Variants in HECTD4 observed in about 807,000 individuals in gnomAD.
HECTD4 encodes the protein probable E3 ubiquitin-protein ligase HECTD4.
A neutral mutation model predicts 471.5 loss-of-function variants in HECTD4; 114 were observed. The observed-to-expected ratio is 0.24, with a 90% confidence interval of 0.21 to 0.28. HECTD4 has a LOEUF of 0.28. Ranked by LOEUF, HECTD4 falls within the 10% of genes least tolerant of loss-of-function variation. HECTD4 has a pLI of 1.00. For synonymous variants in HECTD4, 2,012 were observed against 2,256.0 expected (o/e 0.89, Z 3.07); for missense variants, 3,866 against 5,651.5 (o/e 0.68, Z 10.13).
At chr12:112,290,804 C>A (rs965487463) in intron 7 of HECTD4, among the ~76,000 whole-genome samples, 1 of 145,020 alleles carries the variant, frequency 6.9e-6, no homozygotes, top group African/African-American at 2.6e-5. Flanking sequence ...GCTGAGATCA[C>A]ACCATTGCAC....
intron 12 of HECTD4, 49 bp downstream of exon 12, chr12:112,270,178 G>A: frequency 6.6e-7 from 1 of 1,520,288 alleles, no homozygotes; most frequent in Non-Finnish European, 9.1e-7. Context: ...GCCAAGGTTT[G>A]CGTTTCCTTT....
At chr12:112,367,835 A>C (rs1048941099) in intron 1 of HECTD4, among the ~76,000 whole-genome samples, 16 of 149,386 alleles carry the variant, frequency 1.1e-4, no homozygotes, top group African/African-American at 2.2e-4. Flanking sequence ...AAAAAAAAAA[A>C]AAAAAAAAAA....
At chr12:112,281,719 T>C (rs878893456) in intron 8 of HECTD4, among the ~76,000 whole-genome samples, 4 of 152,204 alleles carry the variant, frequency 2.6e-5, no homozygotes, top group Admixed American at 2.6e-4. Flanking sequence ...GTATTTAATT[T>C]GGTAGTCTCA....
At chr12:112,379,477 T>A (rs868285999) in intron 1 of HECTD4, among the ~76,000 whole-genome samples, 1 of 152,236 alleles carries the variant, frequency 6.6e-6, no homozygotes, top group Non-Finnish European at 1.5e-5. Context: ...GCGGATCACC[T>A]GAGGTCAGGA....
At chr12:112,267,981 G>A (rs1234073924) in intron 13 of HECTD4, among the ~76,000 whole-genome samples, 5 of 151,966 alleles carry the variant, frequency 3.3e-5, no homozygotes, top group Non-Finnish European at 2.9e-5. Flanking sequence ...CCAGGGCATC[G>A]GGCTAATTTT....
At chr12:112,216,746 T>A (rs1242054500) in intron 47 of HECTD4, 27 bp downstream of exon 47, 1 of 1,609,228 alleles carries the variant, frequency 6.2e-7, no homozygotes, top group East Asian at 2.2e-5. Flanking sequence ...CTGCTCTCTG[T>A]CACACTGAGC....
chr12:112,186,662 C>CTT (rs778779883), intron 60 of HECTD4, among the ~76,000 whole-genome samples: 3 of 116,640 alleles, frequency 2.6e-5, no homozygotes, highest in Admixed American at 9.0e-5. Flanking sequence ...TTTTAAGCTG[C>CTT]TTTTTTTTTT....
In HECTD4 at chr12:112,195,050, C is replaced by T; in HGVS notation, c.8584G>A (p.Glu2862Lys). The change falls in exon 56 of 76, where the codon GAG becomes AAG. Residue 2862 changes from glutamate to lysine, a missense_variant. Coordinates refer to ENST00000682272, the MANE Select transcript of HECTD4 (RefSeq NM_001388303.1). ...LQIHRELLRC[E>K]AALARLYCRM... ...CAGTACAGCCTGGCCAGCGCAGCCT[C>T]GCAGCGCAGCAGCTCCCTGCAAGGG... 1.9e-6 allele frequency: 3 copies of T among 1,601,724 alleles called. No homozygotes were observed. Among genetic ancestry groups the T allele is most frequent in the Non-Finnish European group, 2.6e-6 (3 of 1,174,656 alleles).
rs1347250027 is a variant in HECTD4, at chr12:112,210,256, G to C, written c.7630-4C>G. On this transcript the variant is annotated splice_polypyrimidine_tract_variant and splice_region_variant and intron_variant, in intron 49 of 75. Transcript: ENST00000682272. ...AGTTAGCTCGGGTTTTGGTGTTCTG[G>C]AAAGGAGACCAAATGAAGGATTTGG... 6.2e-7 allele frequency: 1 copy of C among 1,612,274 alleles called. No individual in the cohort carries two copies.
At chr12:112,326,163 T>G (rs2035739572) in intron 1 of HECTD4, among the ~76,000 whole-genome samples, 2 of 152,310 alleles carry the variant, frequency 1.3e-5, no homozygotes, top group African/African-American at 4.8e-5. Context: ...TATTCTTTGC[T>G]GGCCAAATCT....
rs1333663759 is a variant in HECTD4 at position 112,264,096 on chromosome 12, T to C, written c.2736A>G (p.Thr912=). The change falls in exon 17 of 76, where the codon ACA becomes ACG. Residue 912 remains threonine (T), a synonymous_variant. Coordinates refer to ENST00000682272, the MANE Select transcript of HECTD4 (RefSeq NM_001388303.1). ...DDSDSSLQGE[T]LKVQELKVSI... is the part of the protein sequence containing the mutation. ...GCTTGGTGTTTACCTGTACCTTCAA[T>C]GTCTCTCCCTGCAAGGAGCTGTCAC... 1.2e-6 allele frequency: 2 copies of C among 1,609,950 alleles called. No individual in the cohort carries two copies. The highest frequency in any genetic ancestry group is 1.7e-6 in the Non-Finnish European group (2 of 1,178,172).
chr12:112,301,910 TC>T, intron 7 of HECTD4: 1 of 1,072,058 alleles, frequency 9.3e-7, no homozygotes, highest in Non-Finnish European at 1.4e-6. Context: ...CTTTGCCTTT[TC>T]GAGCTTGGCA....
At chr12:112,347,302 G>T (rs1222311089) in intron 1 of HECTD4, among the ~76,000 whole-genome samples, 1 of 152,092 alleles carries the variant, frequency 6.6e-6, no homozygotes, top group Non-Finnish European at 1.5e-5. Context: ...TTGAGGCCGG[G>T]AGTTCAAGAC....
rs1041460917 is a variant in HECTD4, at chr12:112,164,201, G to T, written c.12609C>A (p.Asp4203Glu). 4 of 1,613,718 alleles carry T rather than the reference G, an allele frequency of 2.5e-6. No individual in the cohort carries two copies. The African/African-American group carries it at 5.3e-5, about 22-fold the overall frequency. ...ACCTGCAGCAGGGCTTGTTGGGGCTGTCAGGGCTCTCCGTGGCCAGGTGCT... is the reference window on the plus strand; with the variant it reads ...ACCTGCAGCAGGGCTTGTTGGGGCTTTCAGGGCTCTCCGTGGCCAGGTGCT... Reference protein sequence around the residue: ...ASQHLATESPDSPNKPCCRFT... With the variant: ...ASQHLATESPESPNKPCCRFT... The change falls in exon 73 of 76, where the codon GAC (aspartate) becomes GAA (glutamate). Residue 4203 changes from aspartate to glutamate, a missense_variant. By Grantham distance (45) the Asp-to-Glu change is conservative. This residue lies in a region of HECTD4 where 715 missense variants were observed against 1,087.6 expected (regional missense o/e 0.66). Transcript: ENST00000682272.
chr12:112,367,022 C>A (rs2036574130), intron 1 of HECTD4, among the ~76,000 whole-genome samples: 1 of 150,466 alleles, frequency 6.6e-6, no homozygotes, highest in African/African-American at 2.4e-5. Context: ...TAAATTTTGG[C>A]TGGGTGTAGT....
At chr12:112,334,207 T>TTAAATAAATAAA (rs35774693) in intron 1 of HECTD4, among the ~76,000 whole-genome samples, 102 of 142,706 alleles carry the variant, frequency 7.1e-4, no homozygotes, top group African/African-American at 1.5e-3. Flanking sequence ...AGACTCCCTC[T>TTAAATAAATAAA]TAAATAAATA....
At chr12:112,217,719 C>A (rs948271897) in intron 45 of HECTD4, among the ~76,000 whole-genome samples, 1 of 152,162 alleles carries the variant, frequency 6.6e-6, no homozygotes, top group African/African-American at 2.4e-5. Context: ...CCCTTTAAGA[C>A]ACTATTTATC....
At chr12:112,192,278 A>C (rs2032105476) in intron 59 of HECTD4, among the ~76,000 whole-genome samples, 1 of 152,222 alleles carries the variant, frequency 6.6e-6, no homozygotes, top group East Asian at 1.9e-4. Context: ...TGGTTGTATC[A>C]TTCTAAACAG....
At chr12:112,214,036 AG>A (rs1356410634) in intron 48 of HECTD4, among the ~76,000 whole-genome samples, 2 of 152,128 alleles carry the variant, frequency 1.3e-5, no homozygotes, top group Non-Finnish European at 2.9e-5. Flanking sequence ...AAAATAAAAA[AG>A]AAAAAAAATA....
Sources: allele counts gnomAD v4.1 joint callset (sites outside exome capture counted in the v4.1 genomes callset), GRCh38; gene constraint gnomAD v4.1.1; regional missense constraint gnomAD v4.1.1; transcripts MANE v1.5; gene names NCBI Gene and HGNC (gene_info 2026-07-23, HGNC 2026-07-21).